Variants in SGCD observed in about 807,000 individuals in gnomAD.
SGCD encodes the protein delta-sarcoglycan.
A neutral mutation model predicts 36.6 loss-of-function variants in SGCD; 18 were observed. The observed-to-expected ratio is 0.49, with a 90% CI of 0.34 to 0.73. The LOEUF is 0.73. SGCD is among the 30% of genes least tolerant of loss of function. The pLI, the probability that SGCD is intolerant of heterozygous loss-of-function variation, is 0.01. For synonymous variants in SGCD, 133 were observed against 130.6 expected, an observed-to-expected ratio of 1.02 and a Z score of -0.12; for missense variants, 387 against 346.7, an observed-to-expected ratio of 1.12 and a Z score of -0.92.
intron 3 of SGCD, among the ~76,000 whole-genome samples, chr5:156,248,761 G>C (rs1765502864): frequency 6.6e-6 from 1 of 152,222 alleles, no homozygotes; most frequent in African/African-American, 2.4e-5. Flanking sequence ...AGGAGGCAAT[G>C]CAAGTTCCTG....
At chr5:156,179,962 C>G (rs1011174195) in intron 3 of SGCD, among the ~76,000 whole-genome samples, 7 of 151,946 alleles carry the variant, frequency 4.6e-5, no homozygotes. Flanking sequence ...GTGAAACATG[C>G]AAACCTATAA....
At chr5:156,071,408 C>G (rs1249958558) in intron 1 of SGCD, among the ~76,000 whole-genome samples, 1 of 152,064 alleles carries the variant, frequency 6.6e-6, no homozygotes, top group African/African-American at 2.4e-5. Flanking sequence ...CATTCAGGAG[C>G]AGGTTGTTCA....
chr5:156,748,597 G>T (rs1056312697), intron 7 of SGCD, among the ~76,000 whole-genome samples: 1 of 152,074 alleles, frequency 6.6e-6, no homozygotes, highest in African/African-American at 2.4e-5. Flanking sequence ...TTCCAAGCTG[G>T]TATGCATCTA....
intron 3 of SGCD, among the ~76,000 whole-genome samples, chr5:156,216,968 C>T (rs1764591705): frequency 1.3e-5 from 2 of 152,098 alleles, no homozygotes; most frequent in Admixed American, 1.3e-4. Context: ...AATCCAGCTA[C>T]TCTGGAGGTT....
At position 156,488,386 on chromosome 5, in the gene SGCD, A is replaced by T. The variant is rs574983311; in HGVS notation, c.193-20215A>T. Among the ~76,000 whole-genome samples, 14 of 152,244 alleles carry T rather than the reference A, an allele frequency of 9.2e-5. No homozygotes were observed. The East Asian group carries it at 2.7e-3, about 29-fold the overall frequency. ...CTTATTATAGTCAAATTGTCAAAAG[A>T]CAGAGTGAGAATTCTAAAAAGAAAG... On this transcript the variant is annotated intron_variant, in intron 3 of 8. Transcript: ENST00000337851.
intron 7 of SGCD, among the ~76,000 whole-genome samples, chr5:156,749,978 TA>T (rs961464873): frequency 6.6e-6 from 1 of 152,052 alleles, no homozygotes; most frequent in African/African-American, 2.4e-5. Context: ...AAAAATGAAA[TA>T]TTTTCAGAAA....
chr5:156,269,224 C>A (rs1766087666), intron 3 of SGCD, among the ~76,000 whole-genome samples: 1 of 151,928 alleles, frequency 6.6e-6, no homozygotes, highest in Non-Finnish European at 1.5e-5. Flanking sequence ...AATCCCAGCA[C>A]TTTGGGAGTC....
rs35247485 is a variant in SGCD at position 156,098,639 on chromosome 5, TACAC to T, written c.-281-19217_-281-19214del. 1.1e-3 allele frequency among the ~76,000 whole-genome samples: 171 copies of T among 149,360 alleles called. No individual in the cohort carries two copies. The Middle Eastern group carries it at 0.017, about 15-fold the overall frequency. Reference sequence around the variant, plus strand: ...TATATTTATTTATGTTGCATGTGTATACACACACACACACACACACACACATTCT... The same window carrying T: ...TATATTTATTTATGTTGCATGTGTATACACACACACACACACACACATTCT... On this transcript the variant is annotated intron_variant, in intron 1 of 9. Transcript: ENST00000517913.
At chr5:155,990,648 C>T (rs1758412896) in intron 1 of SGCD, among the ~76,000 whole-genome samples, 1 of 152,104 alleles carries the variant, frequency 6.6e-6, no homozygotes, top group African/African-American at 2.4e-5. Context: ...AAGGCCTTTC[C>T]CAATTTCCAG....
At chr5:156,721,359 T>A (rs1312802395) in intron 7 of SGCD, among the ~76,000 whole-genome samples, 1 of 152,126 alleles carries the variant, frequency 6.6e-6, no homozygotes, top group East Asian at 1.9e-4. Flanking sequence ...AATAAAGAAC[T>A]GCCAGTGAGA....
intron 2 of SGCD, among the ~76,000 whole-genome samples, chr5:156,342,414 A>T (rs1338468632): frequency 1.3e-5 from 2 of 152,194 alleles, no homozygotes; most frequent in East Asian, 3.8e-4. Context: ...TCTAATCCTA[A>T]TTTGGCTCAT....
intron 4 of SGCD, among the ~76,000 whole-genome samples, chr5:156,567,839 C>T (rs753283602): frequency 1.1e-4 from 16 of 152,070 alleles, no homozygotes; most frequent in African/African-American, 2.9e-4. Flanking sequence ...GTGGTCAGTC[C>T]GTGATGGATG....
chr5:155,905,492 A>G (rs929853660), intron 1 of SGCD, among the ~76,000 whole-genome samples: 13 of 152,112 alleles, frequency 8.5e-5, no homozygotes, highest in African/African-American at 2.9e-4. Context: ...GCCTACCCTG[A>G]CTGAGCCTGG....
At chr5:155,869,783 G>A (rs747369651), upstream of SGCD, among the ~76,000 whole-genome samples, 12 of 152,042 alleles carry the variant, frequency 7.9e-5, no homozygotes, top group Admixed American at 1.3e-4. Flanking sequence ...GGCGGATCAC[G>A]AGGTCAAGAG....
intron 1 of SGCD, among the ~76,000 whole-genome samples, chr5:155,932,051 A>G (rs915661564): frequency 6.6e-6 from 1 of 152,102 alleles, no homozygotes; most frequent in Non-Finnish European, 1.5e-5. Context: ...TCATGATTCA[A>G]TCACTTCCCA....
the SGCD span, among the ~76,000 whole-genome samples, chr5:155,822,869 T>G: frequency 7.0e-4 from 107 of 152,122 alleles, no homozygotes; most frequent in Non-Finnish European, 1.4e-3. Flanking sequence ...TGCCTCTCAT[T>G]TTTTGTTTTC....
intron 3 of SGCD, among the ~76,000 whole-genome samples, chr5:156,312,556 G>T (rs1767416742): frequency 6.6e-6 from 1 of 152,272 alleles, no homozygotes; most frequent in East Asian, 1.9e-4. Context: ...TAATAGCAAT[G>T]AGAAGCAGTT....
At chr5:155,897,130 C>G (rs1162440806) in intron 1 of SGCD, among the ~76,000 whole-genome samples, 1 of 152,138 alleles carries the variant, frequency 6.6e-6, no homozygotes, top group Non-Finnish European at 1.5e-5. Flanking sequence ...AGTATACTGA[C>G]ATAAACCTGG....
At position 156,404,543 on chromosome 5, in the gene SGCD, T is replaced by G. The variant is rs1400870999; in HGVS notation, c.192+59866T>G. 2.0e-5 allele frequency among the ~76,000 whole-genome samples: 3 copies of G among 152,326 alleles called. No homozygotes were observed. In the South Asian group the frequency reaches 6.2e-4, roughly 32 times the overall value. On this transcript the variant is annotated intron_variant, in intron 3 of 8. Transcript: ENST00000337851. Reference sequence around the variant, plus strand: ...CTAGTACATCCAGAATATTTTGTCTTATTTCTTCCCTCCTACCTTTTAAAT... The same window carrying G: ...CTAGTACATCCAGAATATTTTGTCTGATTTCTTCCCTCCTACCTTTTAAAT...
Sources: gnomAD v4.1 joint callset for allele counts (sites outside exome capture counted in the v4.1 genomes callset) on GRCh38, gnomAD v4.1.1 for gene constraint, MANE v1.5 for transcripts, NCBI Gene and HGNC (gene_info 2026-07-23, HGNC 2026-07-21) for gene names.